TRHDE: variants seen among roughly 807,000 people sequenced by gnomAD.
TRHDE encodes thyrotropin-releasing hormone-degrading ectoenzyme.
In TRHDE, 72 loss-of-function variants were observed where a neutral mutation model predicts 125.7. That is an observed-to-expected ratio of 0.57 (90% CI 0.47 to 0.70). The LOEUF (loss-of-function observed/expected upper bound fraction) is 0.70. Among genes scored for constraint, TRHDE ranks in the 30% least tolerant of loss-of-function variants. TRHDE has a pLI of 0.00. For synonymous variants in TRHDE, 509 were observed against 509.1 expected (o/e 1.00, Z 0.00); for missense variants, 1,110 against 1,327.1 (o/e 0.84, Z 2.54).
At chr12:72,216,636 C>A (rs556628540) in intron 2 of TRHDE, among the ~76,000 whole-genome samples, 3 of 152,258 alleles carry the variant, frequency 2.0e-5, no homozygotes, top group Middle Eastern at 3.4e-3. Flanking sequence ...AAACACAGAA[C>A]ACGTTCTAGT....
intron 7 of TRHDE, among the ~76,000 whole-genome samples, chr12:72,543,808 T>TTA: frequency 6.9e-6 from 1 of 144,264 alleles, no homozygotes; most frequent in East Asian, 2.0e-4. Context: ...ATTATTATTA[T>TTA]TATTATTATT....
At chr12:72,378,171 T>A (rs762913789) in intron 3 of TRHDE, 50 bp downstream of exon 3, 41 of 1,505,226 alleles carry the variant, frequency 2.7e-5, no homozygotes, top group Non-Finnish European at 3.6e-5. Flanking sequence ...GAAAGTGGAA[T>A]TTCTTCTTCA....
intron 3 of TRHDE, among the ~76,000 whole-genome samples, chr12:72,410,462 C>T (rs1037506283): frequency 1.3e-5 from 2 of 152,046 alleles, no homozygotes; most frequent in African/African-American, 4.8e-5. Context: ...AATCATAGGT[C>T]TTTCTCATTT....
At chr12:72,506,446 A>G (rs1023803026) in intron 6 of TRHDE, among the ~76,000 whole-genome samples, 7 of 152,210 alleles carry the variant, frequency 4.6e-5, no homozygotes, top group Admixed American at 6.5e-5. Context: ...ATCACTTACT[A>G]TGTACAATGT....
At chr12:72,129,368 T>C (rs941056744) in intron 2 of TRHDE, among the ~76,000 whole-genome samples, 4 of 152,232 alleles carry the variant, frequency 2.6e-5, no homozygotes, top group African/African-American at 9.6e-5. Context: ...TGAGTTTTTC[T>C]TATTGTGTAG....
At chr12:72,487,728 T>G (rs1178868482) in intron 5 of TRHDE, among the ~76,000 whole-genome samples, 1 of 152,102 alleles carries the variant, frequency 6.6e-6, no homozygotes, top group South Asian at 2.1e-4. Flanking sequence ...AAATGTATAG[T>G]CAGATCCAGA....
At chr12:72,479,417 C>T (rs1877053237) in intron 5 of TRHDE, among the ~76,000 whole-genome samples, 1 of 151,880 alleles carries the variant, frequency 6.6e-6, no homozygotes, top group South Asian at 2.1e-4. Context: ...AAATGGAAGA[C>T]TAGCTTTTAC....
At chr12:72,123,935 G>A (rs1254648225) in intron 2 of TRHDE, among the ~76,000 whole-genome samples, 5 of 151,868 alleles carry the variant, frequency 3.3e-5, no homozygotes, top group Admixed American at 3.3e-4. Flanking sequence ...TTTTTGGTCT[G>A]GCTTCTTTCA....
intron 2 of TRHDE, among the ~76,000 whole-genome samples, chr12:72,336,670 G>T (rs1418588256): frequency 1.3e-5 from 2 of 152,156 alleles, no homozygotes; most frequent in Admixed American, 6.5e-5. Flanking sequence ...CCCAGTATCT[G>T]GTGAGGGCCT....
chr12:72,625,197 T>C lies in TRHDE; in HGVS notation c.2675+3446T>C, dbSNP rs139014004. Among the ~76,000 whole-genome samples the C allele has an allele frequency of 1.5e-3, 235 of 151,982 alleles. 3 individuals are homozygous for C. The East Asian group carries it at 0.042, about 27-fold the overall frequency. Reference sequence around the variant, plus strand: ...TATAGGGTTTTCTCTAAGTAATAAATTTGACCAGAAGTTAAATATGTATCA... The same window carrying C: ...TATAGGGTTTTCTCTAAGTAATAAACTTGACCAGAAGTTAAATATGTATCA... On this transcript the variant is annotated intron_variant, in intron 15 of 18. Coordinates refer to ENST00000261180, the MANE Select transcript of TRHDE (RefSeq NM_013381.3).
intron 17 of TRHDE, among the ~76,000 whole-genome samples, chr12:72,655,984 T>G (rs1357187604): frequency 6.6e-6 from 1 of 152,180 alleles, no homozygotes; most frequent in Non-Finnish European, 1.5e-5. Flanking sequence ...AAATCTTAAA[T>G]TAGATGCTTA....
At chr12:72,616,734 G>A (rs1442115460) in intron 12 of TRHDE, among the ~76,000 whole-genome samples, 1 of 152,014 alleles carries the variant, frequency 6.6e-6, no homozygotes, top group Non-Finnish European at 1.5e-5. Context: ...TAATAAGTTA[G>A]CCACTTACTT....
chr12:72,384,940 T>C (rs934748566), intron 3 of TRHDE, among the ~76,000 whole-genome samples: 1 of 152,108 alleles, frequency 6.6e-6, no homozygotes, highest in Admixed American at 6.5e-5. Context: ...TGTGTTTTTG[T>C]CTTTAGTGAA....
At position 72,293,897 on chromosome 12, in the gene TRHDE, G is replaced by A. The variant is rs910753087; in HGVS notation, c.1188+6943G>A. The stretch of plus-strand genomic sequence containing the variant: ...GATGAGTCAGGTGTGGAACGGTGAG[G>A]GGTGTGTGAGTGAGCATGGGGTCCA... On this transcript the variant is annotated intron_variant, in intron 2 of 18. Transcript: ENST00000261180. Among the ~76,000 whole-genome samples, 9 of 152,336 alleles carry A rather than the reference G, an allele frequency of 5.9e-5. No homozygotes were observed. The East Asian group carries it at 1.5e-3, about 26-fold the overall frequency.
intron 6 of TRHDE, among the ~76,000 whole-genome samples, chr12:72,520,348 C>T (rs1190378505): frequency 6.6e-6 from 1 of 152,188 alleles, no homozygotes; most frequent in Non-Finnish European, 1.5e-5. Context: ...TCGTGGTGCG[C>T]CATTTTTTAA....
intron 2 of TRHDE, among the ~76,000 whole-genome samples, chr12:72,289,721 G>A (rs963985258): frequency 2.0e-5 from 3 of 152,132 alleles, no homozygotes; most frequent in Admixed American, 6.6e-5. Context: ...CCTGCTCCCA[G>A]GGAGCTTATA....
At chr12:72,625,877 A>G (rs1039715666) in intron 15 of TRHDE, among the ~76,000 whole-genome samples, 1 of 151,988 alleles carries the variant, frequency 6.6e-6, no homozygotes, top group Admixed American at 6.6e-5. Context: ...GGTAAAATAA[A>G]TAAATAAAAA....
At chr12:72,450,340 A>C (rs1875509466) in intron 3 of TRHDE, among the ~76,000 whole-genome samples, 1 of 152,072 alleles carries the variant, frequency 6.6e-6, no homozygotes, top group African/African-American at 2.4e-5. Flanking sequence ...CCTAGGTCCT[A>C]CCTTAGAAAA....
At chr12:72,342,481 C>T (rs1157483583) in intron 2 of TRHDE, among the ~76,000 whole-genome samples, 2 of 151,996 alleles carry the variant, frequency 1.3e-5, no homozygotes, top group East Asian at 1.9e-4. Flanking sequence ...ATATACTCTT[C>T]CTGTTTCCTA....
Sources: allele counts gnomAD v4.1 joint callset (sites outside exome capture counted in the v4.1 genomes callset), GRCh38; gene constraint gnomAD v4.1.1; transcripts MANE v1.5; gene names NCBI Gene and HGNC (gene_info 2026-07-23, HGNC 2026-07-21).